NXPE2: variants seen among roughly 807,000 people sequenced by gnomAD.
NXPE2 encodes the protein NXPE family member 2.
In NXPE2, 34 loss-of-function variants were observed where a neutral mutation model predicts 34.4. The ratio of observed to expected loss-of-function variants is 0.99; its 90% CI spans 0.75 to 1.31. NXPE2 has a LOEUF of 1.31. NXPE2 is among the 40% of genes most tolerant of loss of function. The pLI is 0.00. For synonymous variants in NXPE2, 235 were observed against 231.3 expected, an observed-to-expected ratio of 1.02 and a Z score of -0.15; for missense variants, 649 against 672.5, an observed-to-expected ratio of 0.97 and a Z score of 0.39.
At chr11:114,480,516 A>G in the NXPE2 span, among the ~76,000 whole-genome samples, 1 of 152,222 alleles carries the variant, frequency 6.6e-6, no homozygotes, top group Admixed American at 6.5e-5. Flanking sequence ...AAGCTGGTGC[A>G]CAACCAGAAG....
At chr11:114,621,326 C>T in the NXPE2 span, among the ~76,000 whole-genome samples, 59 of 152,118 alleles carry the variant, frequency 3.9e-4, no homozygotes, top group South Asian at 1.5e-3. Context: ...CACTGTTACC[C>T]GCTGGATAAT....
At chr11:114,564,802 A>T in the NXPE2 span, among the ~76,000 whole-genome samples, 1 of 152,200 alleles carries the variant, frequency 6.6e-6, no homozygotes, top group Non-Finnish European at 1.5e-5. Flanking sequence ...TGGAAAGGAA[A>T]ATCCATTAAA....
At chr11:114,567,166 C>T in the NXPE2 span, among the ~76,000 whole-genome samples, 1 of 152,166 alleles carries the variant, frequency 6.6e-6, no homozygotes, top group South Asian at 2.1e-4. Flanking sequence ...CTTGCAGCCT[C>T]ATCCTGGCCT....
chr11:114,569,990 C>G, the NXPE2 span, among the ~76,000 whole-genome samples: 1 of 152,076 alleles, frequency 6.6e-6, no homozygotes, highest in Non-Finnish European at 1.5e-5. Context: ...GCTGCAGGGT[C>G]ACAAGACTGA....
the NXPE2 span, among the ~76,000 whole-genome samples, chr11:114,664,198 T>A: frequency 6.6e-6 from 1 of 152,178 alleles, no homozygotes; most frequent in African/African-American, 2.4e-5. Flanking sequence ...GGCAATGAGA[T>A]ACACAAGTAC....
At chr11:114,735,812 A>T in the NXPE2 span, among the ~76,000 whole-genome samples, 6 of 152,318 alleles carry the variant, frequency 3.9e-5, no homozygotes, top group Middle Eastern at 3.4e-3. Context: ...GTGTTCCTAC[A>T]TGGGCACCAT....
chr11:114,744,477 G>A, the NXPE2 span, among the ~76,000 whole-genome samples: 1 of 152,134 alleles, frequency 6.6e-6, no homozygotes, highest in Non-Finnish European at 1.5e-5. Flanking sequence ...CATTCTGGAT[G>A]TTACTTAGAG....
At chr11:114,632,371 T>C in the NXPE2 span, among the ~76,000 whole-genome samples, 1 of 134,200 alleles carries the variant, frequency 7.5e-6, no homozygotes, top group Non-Finnish European at 1.5e-5. Flanking sequence ...ATATATTACA[T>C]ATAGTTATAT....
chr11:114,789,927 A>G, the NXPE2 span, among the ~76,000 whole-genome samples: 1 of 152,198 alleles, frequency 6.6e-6, no homozygotes, highest in East Asian at 1.9e-4. Context: ...CCTGGCAGGC[A>G]TGCTGCTGTA....
At chr11:114,714,790 G>A in the NXPE2 span, among the ~76,000 whole-genome samples, 10 of 152,162 alleles carry the variant, frequency 6.6e-5, no homozygotes, top group East Asian at 1.9e-4. Context: ...TTGGGAGGCC[G>A]AGGCAGGTGG....
the NXPE2 span, among the ~76,000 whole-genome samples, chr11:114,592,051 C>G: frequency 6.6e-6 from 1 of 152,118 alleles, no homozygotes; most frequent in Non-Finnish European, 1.5e-5. Flanking sequence ...ACATGTATAA[C>G]AAATCCACAG....
the NXPE2 span, among the ~76,000 whole-genome samples, chr11:114,543,639 T>C: frequency 6.6e-6 from 1 of 152,116 alleles, no homozygotes; most frequent in Non-Finnish European, 1.5e-5. Context: ...TGGTACTTAA[T>C]AATGAGAGAT....
At chr11:114,541,910 C>G in the NXPE2 span, among the ~76,000 whole-genome samples, 2 of 150,822 alleles carry the variant, frequency 1.3e-5, no homozygotes, top group Non-Finnish European at 3.0e-5. Context: ...TCTGTTAGAT[C>G]AAGTTTATGT....
chr11:114,713,489 C>A, the NXPE2 span, among the ~76,000 whole-genome samples: 2 of 152,258 alleles, frequency 1.3e-5, no homozygotes, highest in South Asian at 4.1e-4. Flanking sequence ...AAAATTCACT[C>A]ATGCTCAAGC....
the NXPE2 span, chr11:114,594,794 G>A: frequency 8.6e-7 from 1 of 1,164,988 alleles, no homozygotes; most frequent in Non-Finnish European, 1.2e-6. Context: ...ACAAAAACAA[G>A]CACAAAAACA....
chr11:114,720,679 G>A, the NXPE2 span, among the ~76,000 whole-genome samples: 1 of 152,230 alleles, frequency 6.6e-6, no homozygotes, highest in Non-Finnish European at 1.5e-5. Context: ...TGTTGATGAT[G>A]TGTTGAAATG....
chr11:114,645,664 CAAAGT>C, the NXPE2 span, among the ~76,000 whole-genome samples: 1 of 151,748 alleles, frequency 6.6e-6, no homozygotes, highest in African/African-American at 2.4e-5. Context: ...AGAACTCCTC[CAAAGT>C]AAAGGGAAAG....
the NXPE2 span, among the ~76,000 whole-genome samples, chr11:114,476,375 A>T: frequency 6.6e-6 from 1 of 152,084 alleles, no homozygotes; most frequent in African/African-American, 2.4e-5. Context: ...TCTTCTTTCT[A>T]CCTTTGTTCC....
the NXPE2 span, among the ~76,000 whole-genome samples, chr11:114,499,839 T>C: frequency 6.6e-6 from 1 of 152,198 alleles, no homozygotes; most frequent in Non-Finnish European, 1.5e-5. Context: ...TCATTGATTG[T>C]TGGGCTTTGT....
Sources: allele counts gnomAD v4.1 joint callset (sites outside exome capture counted in the v4.1 genomes callset), GRCh38; gene constraint gnomAD v4.1.1; transcripts MANE v1.5; gene names NCBI Gene and HGNC (gene_info 2026-07-23, HGNC 2026-07-21).